SPATA9: variants seen among roughly 807,000 people sequenced by gnomAD.
SPATA9 encodes spermatogenesis-associated protein 9.
A neutral mutation model predicts 25.5 loss-of-function variants in SPATA9; 27 were observed. The ratio of observed to expected loss-of-function variants is 1.06; its 90% CI spans 0.78 to 1.46. The LOEUF (loss-of-function observed/expected upper bound fraction) is 1.46, where lower values mean the gene tolerates loss of function less well. Among genes scored for constraint, SPATA9 ranks in the 40% most tolerant of loss-of-function variants. The probability of loss-of-function intolerance (pLI) is 0.00; values close to 1 mark genes in which losing one functional copy is unlikely to be tolerated. For missense variants in SPATA9, 282 were observed against 297.5 expected (o/e 0.95, Z 0.38); for synonymous variants, 102 against 105.7 (o/e 0.97, Z 0.21).
intron 2 of SPATA9, among the ~76,000 whole-genome samples, chr5:95,682,217 T>G (rs1431644743): frequency 6.6e-6 from 1 of 152,178 alleles, no homozygotes; most frequent in Admixed American, 6.5e-5. Flanking sequence ...TTTGCTAAAG[T>G]GTATCTAGGT....
At chr5:95,710,999 C>T in the SPATA9 span, among the ~76,000 whole-genome samples, 2 of 152,122 alleles carry the variant, frequency 1.3e-5, no homozygotes, top group African/African-American at 4.8e-5. Flanking sequence ...CGGGGGCCGC[C>T]GGGTCAAAAG....
chr5:95,708,257 T>C, the SPATA9 span, among the ~76,000 whole-genome samples: 1 of 152,026 alleles, frequency 6.6e-6, no homozygotes, highest in African/African-American at 2.4e-5. Flanking sequence ...GAACATAGGG[T>C]CACCTAGAGC....
intron 3 of SPATA9, among the ~76,000 whole-genome samples, chr5:95,672,508 G>A (rs1162360546): frequency 1.3e-5 from 2 of 148,898 alleles, no homozygotes; most frequent in Admixed American, 1.3e-4. Context: ...TTCTTTTCAA[G>A]TTTCAGTTAA....
At chr5:95,731,289 C>T in the SPATA9 span, 1 of 1,028,888 alleles carries the variant, frequency 9.7e-7, no homozygotes, top group Non-Finnish European at 1.2e-6. Flanking sequence ...CCCCGATCTC[C>T]CCGACCCCCC....
At chr5:95,729,033 G>A in the SPATA9 span, among the ~76,000 whole-genome samples, 1 of 152,142 alleles carries the variant, frequency 6.6e-6, no homozygotes, top group Non-Finnish European at 1.5e-5. Context: ...TCAGTTCTGG[G>A]AAATGCCCAC....
intron 3 of SPATA9, among the ~76,000 whole-genome samples, chr5:95,665,745 C>T (rs972218488): frequency 2.6e-5 from 4 of 152,278 alleles, no homozygotes; most frequent in Admixed American, 1.3e-4. Context: ...GAGACCAAGG[C>T]AGGTGGATCA....
At chr5:95,664,399 A>T (rs1333123293) in intron 3 of SPATA9, among the ~76,000 whole-genome samples, 1 of 152,214 alleles carries the variant, frequency 6.6e-6, no homozygotes, top group Non-Finnish European at 1.5e-5. Context: ...TTTACTAATT[A>T]TTCACAACCT....
the SPATA9 span, chr5:95,732,074 G>A: frequency 6.2e-7 from 1 of 1,614,120 alleles, no homozygotes; most frequent in South Asian, 1.1e-5. Context: ...GTCCACGACT[G>A]TCCCGTCTGG....
intron 2 of SPATA9, among the ~76,000 whole-genome samples, chr5:95,679,070 C>G (rs1162725543): frequency 6.6e-6 from 1 of 152,186 alleles, no homozygotes; most frequent in Non-Finnish European, 1.5e-5. Flanking sequence ...CAACTGATGT[C>G]ACCATAAACC....
chr5:95,709,629 G>A, the SPATA9 span, among the ~76,000 whole-genome samples: 2 of 152,156 alleles, frequency 1.3e-5, no homozygotes, highest in African/African-American at 4.8e-5. Flanking sequence ...CGTATCAAGG[G>A]ATGATTTCAT....
intron 2 of SPATA9, among the ~76,000 whole-genome samples, chr5:95,681,542 GCAAT>G (rs1753457889): frequency 6.6e-6 from 1 of 152,082 alleles, no homozygotes; most frequent in African/African-American, 2.4e-5. Flanking sequence ...ATATTCTAAT[GCAAT>G]TACTCCTTTA....
the SPATA9 span, among the ~76,000 whole-genome samples, chr5:95,705,131 T>A: frequency 3.5e-5 from 5 of 143,790 alleles, no homozygotes; most frequent in East Asian, 2.2e-4. Context: ...TTATTTATTT[T>A]TATTTTTCGT....
chr5:95,725,185 G>A, the SPATA9 span, among the ~76,000 whole-genome samples: 1 of 152,096 alleles, frequency 6.6e-6, no homozygotes, highest in African/African-American at 2.4e-5. Flanking sequence ...AATAAATGGT[G>A]GCATATATTT....
intron 1 of SPATA9, among the ~76,000 whole-genome samples, chr5:95,696,351 T>C (rs1163448494): frequency 6.6e-6 from 1 of 152,246 alleles, no homozygotes; most frequent in East Asian, 1.9e-4. Context: ...AAAAATGTAG[T>C]AAGCTGAGTG....
the SPATA9 span, among the ~76,000 whole-genome samples, chr5:95,727,414 T>C: frequency 1.3e-5 from 2 of 152,252 alleles, no homozygotes; most frequent in African/African-American, 4.8e-5. Context: ...TATTCACAAT[T>C]TGGGGACTAG....
At chr5:95,718,888 G>A in the SPATA9 span, among the ~76,000 whole-genome samples, 1 of 152,156 alleles carries the variant, frequency 6.6e-6, no homozygotes, top group Non-Finnish European at 1.5e-5. Context: ...AGCACAAGCA[G>A]GGAACAACTG....
chr5:95,691,194 C>T (rs890152514), intron 1 of SPATA9, among the ~76,000 whole-genome samples: 6 of 142,628 alleles, frequency 4.2e-5, no homozygotes, highest in Non-Finnish European at 9.0e-5. Flanking sequence ...CCAGCCTGGG[C>T]GACAGAGCAA....
the SPATA9 span, among the ~76,000 whole-genome samples, chr5:95,706,828 C>T: frequency 7.9e-6 from 1 of 127,072 alleles, no homozygotes; most frequent in African/African-American, 3.4e-5. Context: ...CACACAAATG[C>T]CACATTTGCA....
At chr5:95,708,747 T>G in the SPATA9 span, 3 of 661,770 alleles carry the variant, frequency 4.5e-6, no homozygotes, top group Middle Eastern at 7.1e-4. Context: ...GGGTGCGAGC[T>G]GGCTCTGAGA....
Sources: gnomAD v4.1 joint callset for allele counts (sites outside exome capture counted in the v4.1 genomes callset) on GRCh38, gnomAD v4.1.1 for gene constraint, MANE v1.5 for transcripts, NCBI Gene and HGNC (gene_info 2026-07-23, HGNC 2026-07-21) for gene names.